The following IL13RA1 variants were observed in gnomAD, a reference collection of about 807,000 sequenced individuals.
IL13RA1 encodes interleukin 13 receptor subunit alpha 1, also known as interleukin-13 receptor subunit alpha-1.
A neutral mutation model predicts 33.8 loss-of-function variants in IL13RA1; 14 were observed. The ratio of observed to expected loss-of-function variants is 0.41; its 90% CI spans 0.27 to 0.65. IL13RA1 has a LOEUF of 0.65. IL13RA1 is among the 30% of genes least tolerant of loss of function. The probability of loss-of-function intolerance (pLI) is 0.28; values close to 1 mark genes in which losing one functional copy is unlikely to be tolerated. For synonymous variants in IL13RA1, 116 were observed against 115.7 expected (o/e 1.00, Z -0.02); for missense variants, 313 against 327.0 (o/e 0.96, Z 0.33).
intron 6 of IL13RA1, among the ~76,000 whole-genome samples, chrX:118,763,172 C>T (rs1374352623): frequency 8.9e-6 from 1 of 111,807 alleles, no homozygotes; most frequent in African/African-American, 3.3e-5. Flanking sequence ...ACATGTACCT[C>T]AGAATTTAAA....
At chrX:118,770,698 C>T (rs762630137) in intron 8 of IL13RA1, 3 of 374,389 alleles carry the variant, frequency 8.0e-6, no homozygotes, top group Admixed American at 2.9e-5. Flanking sequence ...CCACAGGCTC[C>T]GCATCTTCAG....
At chrX:118,788,687 T>G (rs1285705773) in intron 10 of IL13RA1, among the ~76,000 whole-genome samples, 1 of 112,169 alleles carries the variant, frequency 8.9e-6, no homozygotes, top group African/African-American at 3.2e-5. Context: ...TATAATGTAC[T>G]TAACAAAATT....
the IL13RA1 span, among the ~76,000 whole-genome samples, chrX:118,805,029 G>C: frequency 8.9e-6 from 1 of 111,938 alleles, no homozygotes; most frequent in African/African-American, 3.2e-5. Context: ...CACCCTTCTT[G>C]ATTGGCTGAC....
intron 1 of IL13RA1, among the ~76,000 whole-genome samples, chrX:118,740,567 C>T (rs1029860828): frequency 9.0e-6 from 1 of 111,613 alleles, no homozygotes; most frequent in South Asian, 3.7e-4. Flanking sequence ...CCAAGGTGGG[C>T]GGATCACTTG....
chrX:118,765,786 T>C (rs1212260269), intron 6 of IL13RA1, among the ~76,000 whole-genome samples: 1 of 112,604 alleles, frequency 8.9e-6, no homozygotes. Context: ...TTCTAGATGC[T>C]TCATATCCTC....
At chrX:118,766,426 T>C in intron 6 of IL13RA1, 104 bp from the exon 7 acceptor site, 5 of 455,487 alleles carry the variant, frequency 1.1e-5, no homozygotes, top group Non-Finnish European at 1.9e-5. Flanking sequence ...TGATCATCTT[T>C]TAATGGGATA....
the IL13RA1 span, among the ~76,000 whole-genome samples, chrX:118,800,172 CCCTGACAAA>C: frequency 9.0e-6 from 1 of 111,238 alleles, no homozygotes; most frequent in East Asian, 2.8e-4. Context: ...CCAATAAGTG[CCCTGACAAA>C]ACAGGCCACT....
intron 5 of IL13RA1, among the ~76,000 whole-genome samples, chrX:118,760,032 A>G (rs2017574228): frequency 8.9e-6 from 1 of 112,036 alleles, no homozygotes. Context: ...CTTGGCTCCC[A>G]AAGTATTTTA....
the IL13RA1 span, among the ~76,000 whole-genome samples, chrX:118,801,078 T>C: frequency 1.8e-5 from 2 of 112,603 alleles, no homozygotes; most frequent in Admixed American, 1.9e-4. Context: ...GCATGAGCCA[T>C]TGCTCCCAGC....
intron 6 of IL13RA1, among the ~76,000 whole-genome samples, chrX:118,761,958 A>G (rs954136870): frequency 1.8e-5 from 2 of 112,572 alleles, no homozygotes; most frequent in African/African-American, 6.5e-5. Flanking sequence ...AGCAGTAGGC[A>G]GACATCAGAT....
chrX:118,801,138 A>G, the IL13RA1 span, among the ~76,000 whole-genome samples: 2 of 112,751 alleles, frequency 1.8e-5, no homozygotes. Flanking sequence ...ATCTTCACAC[A>G]TGATTAAAAT....
intron 1 of IL13RA1, among the ~76,000 whole-genome samples, chrX:118,735,941 ACT>A (rs2017277109): frequency 1.8e-5 from 2 of 109,660 alleles, no homozygotes; most frequent in Non-Finnish European, 3.8e-5. Flanking sequence ...GGTCTCTTAG[ACT>A]CTGTTCACTT....
intron 5 of IL13RA1, among the ~76,000 whole-genome samples, chrX:118,758,542 G>A (rs2017558656): frequency 9.0e-6 from 1 of 111,497 alleles, no homozygotes; most frequent in South Asian, 3.7e-4. Flanking sequence ...GGTATTTTCT[G>A]GTATTCTGTT....
chrX:118,746,840 A>C, intron 2 of IL13RA1, 114 bp from the exon 3 acceptor site: 18 of 528,158 alleles, frequency 3.4e-5, no homozygotes, highest in Non-Finnish European at 5.5e-5. Context: ...TCACTGATCT[A>C]TACCATTTGA....
chrX:118,731,539 C>T (rs146302264), intron 1 of IL13RA1, among the ~76,000 whole-genome samples: 3,144 of 103,902 alleles, frequency 0.03, 121 homozygotes, highest in African/African-American at 0.1. Flanking sequence ...ATCACACCAG[C>T]GCACTCCAGC....
At chrX:118,734,924 T>C (rs140728504) in intron 1 of IL13RA1, among the ~76,000 whole-genome samples, 133 of 111,664 alleles carry the variant, frequency 1.2e-3, no homozygotes, top group African/African-American at 4.2e-3. Context: ...GGGCTTTTCT[T>C]TGTTGAGAGA....
At chrX:118,747,405 G>A (rs960079860) in intron 3 of IL13RA1, among the ~76,000 whole-genome samples, 14 of 109,641 alleles carry the variant, frequency 1.3e-4, no homozygotes, top group Admixed American at 4.9e-4. Flanking sequence ...CCTTTAGATC[G>A]AGAGTCACAA....
chrX:118,737,996 G>A (rs1239269547), intron 1 of IL13RA1: 2 of 111,908 alleles, frequency 1.8e-5, no homozygotes, highest in Non-Finnish European at 3.8e-5. Flanking sequence ...TTGATATGGT[G>A]TTAGAAAGGC....
intron 5 of IL13RA1, among the ~76,000 whole-genome samples, chrX:118,760,902 A>G (rs1240286370): frequency 8.9e-6 from 1 of 112,468 alleles, no homozygotes; most frequent in Non-Finnish European, 1.9e-5. Flanking sequence ...TACATTACTT[A>G]TAATACCTAA....
Sources: gnomAD v4.1 joint callset for allele counts (sites outside exome capture counted in the v4.1 genomes callset) on GRCh38, gnomAD v4.1.1 for gene constraint, MANE v1.5 for transcripts, NCBI Gene and HGNC (gene_info 2026-07-23, HGNC 2026-07-21) for gene names.